EVI5: variants seen among roughly 807,000 people sequenced by gnomAD.
The protein encoded by EVI5 is ecotropic viral integration site 5 protein homolog.
EVI5 carries 73 observed loss-of-function variants against 112.0 expected under a neutral mutation model. The observed-to-expected ratio is 0.65, with a 90% CI of 0.54 to 0.79. The LOEUF (loss-of-function observed/expected upper bound fraction) is 0.79. Ranked by LOEUF, EVI5 falls within the 30% of genes least tolerant of loss-of-function variation. The pLI is 0.00. For synonymous variants in EVI5, 305 were observed against 319.9 expected (o/e 0.95, Z 0.50); for missense variants, 900 against 968.8 (o/e 0.93, Z 0.94).
intron 18 of EVI5, among the ~76,000 whole-genome samples, chr1:92,592,401 T>C (rs980070164): frequency 1.3e-5 from 2 of 152,148 alleles, no homozygotes; most frequent in Non-Finnish European, 2.9e-5. Context: ...TACCAGAATC[T>C]CTGGGACACA....
chr1:92,639,084 T>C (rs530152644), intron 13 of EVI5, among the ~76,000 whole-genome samples: 6 of 152,144 alleles, frequency 3.9e-5, no homozygotes, highest in African/African-American at 9.7e-5. Flanking sequence ...TTTAAAAGCA[T>C]AGAAATGACA....
At chr1:92,671,731 C>G (rs1159636245) in intron 10 of EVI5, among the ~76,000 whole-genome samples, 1 of 151,950 alleles carries the variant, frequency 6.6e-6, no homozygotes, top group Admixed American at 6.6e-5. Flanking sequence ...TCTCTACATT[C>G]TAGCTGTCCA....
rs1289109279 is a variant in EVI5 at position 92,710,131 on chromosome 1, C to G, written c.150-5387G>C. 2.8e-5 allele frequency among the ~76,000 whole-genome samples: 4 copies of G among 140,520 alleles called. No individual in the cohort carries two copies. The East Asian group carries it at 8.7e-4, about 31-fold the overall frequency. The allele number at this position is 140,520 out of a possible 152,430, so 92.2% of individuals were successfully genotyped here. On this transcript the variant is annotated intron_variant, in intron 2 of 19. Coordinates refer to ENST00000684568, the MANE Select transcript of EVI5 (RefSeq NM_001350197.2). Reference sequence around the variant, plus strand: ...GCCGAGGCAGGTGGATTGCTTGAGCCCAGGAATTTGAGACCAAACTGGGCA... The same window carrying G: ...GCCGAGGCAGGTGGATTGCTTGAGCGCAGGAATTTGAGACCAAACTGGGCA...
chr1:92,617,217 C>T (rs1302493193), intron 16 of EVI5, among the ~76,000 whole-genome samples: 1 of 152,174 alleles, frequency 6.6e-6, no homozygotes, highest in Non-Finnish European at 1.5e-5. Flanking sequence ...GGCAGAACTT[C>T]GAGCAGAGCA....
At chr1:92,733,277 G>A (rs542228795) in intron 2 of EVI5, 4 of 179,772 alleles carry the variant, frequency 2.2e-5, no homozygotes, top group South Asian at 2.4e-4. Context: ...TCAAGGATTC[G>A]GGCCAGAAAT....
At chr1:92,705,918 C>T (rs2102566403) in intron 2 of EVI5, among the ~76,000 whole-genome samples, 1 of 152,276 alleles carries the variant, frequency 6.6e-6, no homozygotes, top group Non-Finnish European at 1.5e-5. Context: ...TTATATGCTA[C>T]TCATCTTTAT....
At chr1:92,711,885 T>C (rs1428343255) in intron 2 of EVI5, among the ~76,000 whole-genome samples, 1 of 152,094 alleles carries the variant, frequency 6.6e-6, no homozygotes, top group African/African-American at 2.4e-5. Flanking sequence ...TGCTCACAGT[T>C]TGGAGGGTGG....
intron 13 of EVI5, among the ~76,000 whole-genome samples, chr1:92,661,931 C>G (rs1305382048): frequency 3.9e-5 from 6 of 152,124 alleles, no homozygotes; most frequent in Admixed American, 3.9e-4. Context: ...AAAACTGAAA[C>G]AAGAAATAAT....
At position 92,513,935 on chromosome 1, in the gene EVI5, G is replaced by T. The variant is rs1359092754; in HGVS notation, c.2202C>A (p.Gly734=). The T allele has an allele frequency of 6.3e-7, 1 of 1,585,388 alleles. No individual in the cohort carries two copies. The change falls in exon 20 of 20, where the codon GGC becomes GGA. Residue 734 remains glycine (G), a synonymous_variant. Coordinates refer to ENST00000684568, the MANE Select transcript of EVI5 (RefSeq NM_001350197.2). The part of the protein sequence containing the change: ...RCLKGQRGFS[G]QPPFDGIHIV... The stretch of plus-strand genomic sequence containing the variant: ...TGTGGATTCCATCAAAAGGAGGTTG[G>T]CCTGAGAAGCCCCTCTGGCCTTTTA...
chr1:92,559,818 C>T (rs934318741), intron 19 of EVI5, among the ~76,000 whole-genome samples: 7 of 146,668 alleles, frequency 4.8e-5, no homozygotes, highest in African/African-American at 1.8e-4. Flanking sequence ...CATTCCCATG[C>T]AACTTATATG....
intron 19 of EVI5, among the ~76,000 whole-genome samples, chr1:92,519,927 C>A: frequency 6.7e-6 from 1 of 148,626 alleles, no homozygotes; most frequent in South Asian, 2.1e-4. Context: ...AATATGAAAG[C>A]TAAGTGAAAG....
rs1677457180 is a variant in EVI5, at chr1:92,736,523, T to C, written c.24A>G (p.Pro8=). 2 of 1,613,826 alleles carry C rather than the reference T, an allele frequency of 1.2e-6. No individual in the cohort carries two copies. Among genetic ancestry groups the C allele is most frequent in the Non-Finnish European group, 1.7e-6 (2 of 1,179,834 alleles). Reference sequence around the variant, plus strand: ...AGGATGTGGTATGTAATGAAGTAGATGGACTTGCCACCTGACTGGCCATCT... The same window carrying C: ...AGGATGTGGTATGTAATGAAGTAGACGGACTTGCCACCTGACTGGCCATCT... MASQVAS[P]STSLHTTSSS... is the part of the protein sequence containing the mutation. Residue 8 remains proline (P), a synonymous_variant, in exon 2 of 20, where the codon CCA becomes CCG. Transcript: ENST00000684568.
intron 2 of EVI5, among the ~76,000 whole-genome samples, chr1:92,722,385 T>C (rs762479252): frequency 1.2e-4 from 18 of 152,108 alleles, no homozygotes; most frequent in Non-Finnish European, 2.2e-4. Flanking sequence ...TATATATGTA[T>C]ACATGAGCCA....
At chr1:92,571,787 C>T (rs368335517) in intron 18 of EVI5, among the ~76,000 whole-genome samples, 1 of 152,126 alleles carries the variant, frequency 6.6e-6, no homozygotes, top group Non-Finnish European at 1.5e-5. Context: ...GTCAACTACA[C>T]TAATAAATTT....
rs1344968629 is a variant in EVI5 at position 92,637,649 on chromosome 1, TAAAGAA to T, written c.1393-1319_1393-1314del. ...ATCACTTCACATTTAATTTATGTAG[TAAAGAA>T]AATGTGGCAACTCAAAATTTCAAAA... On this transcript the variant is annotated intron_variant, in intron 13 of 19. Transcript: ENST00000684568. Among the ~76,000 whole-genome samples, 3 of 152,306 alleles carry T rather than the reference TAAAGAA, an allele frequency of 2.0e-5. No homozygotes were observed. In the East Asian group the frequency reaches 5.8e-4, roughly 29 times the overall value.
chr1:92,693,341 A>G (rs919618872), intron 9 of EVI5, among the ~76,000 whole-genome samples: 3 of 151,858 alleles, frequency 2.0e-5, no homozygotes, highest in African/African-American at 7.3e-5. Context: ...AGCCATAATC[A>G]CACCACTGTA....
At chr1:92,720,752 G>GA (rs1024747060) in intron 2 of EVI5, among the ~76,000 whole-genome samples, 9 of 151,722 alleles carry the variant, frequency 5.9e-5, no homozygotes, top group African/African-American at 9.7e-5. Context: ...TACAGAATGG[G>GA]AAAAAATCTT....
rs562642972 is a variant in EVI5 at position 92,520,499 on chromosome 1, T to A, written c.2167-6529A>T. On this transcript the variant is annotated intron_variant, in intron 19 of 19. Transcript: ENST00000684568. ...AAAGTCTGTGGGTTCATGGTGGGGGTGAGGAGAATGAAAAAGAGATAAATC... is the reference window on the plus strand; with the variant it reads ...AAAGTCTGTGGGTTCATGGTGGGGGAGAGGAGAATGAAAAAGAGATAAATC... 5.9e-5 allele frequency among the ~76,000 whole-genome samples: 9 copies of A among 151,784 alleles called. No homozygotes were observed. In the South Asian group the frequency reaches 1.9e-3, roughly 32 times the overall value.
At chr1:92,742,022 C>A (rs776239957) in intron 1 of EVI5, among the ~76,000 whole-genome samples, 1 of 151,758 alleles carries the variant, frequency 6.6e-6, no homozygotes, top group Non-Finnish European at 1.5e-5. Context: ...TAAAAATAAC[C>A]CAGAAAAATG....
Sources: gnomAD v4.1 joint callset for allele counts (sites outside exome capture counted in the v4.1 genomes callset) on GRCh38, gnomAD v4.1.1 for gene constraint, MANE v1.5 for transcripts, NCBI Gene and HGNC (gene_info 2026-07-23, HGNC 2026-07-21) for gene names.